Variants in KBTBD12 observed in about 807,000 individuals in gnomAD.
The protein encoded by KBTBD12 is kelch repeat and BTB domain containing 12, also known as kelch repeat and BTB domain-containing protein 12.
Under a neutral mutation model 58.7 loss-of-function variants are expected in KBTBD12, and 53 were observed. That is an observed-to-expected ratio of 0.90 (90% CI 0.72 to 1.14). The LOEUF is 1.14. KBTBD12 is among the 50% of genes most tolerant of loss of function. KBTBD12 has a pLI of 0.00. For synonymous variants in KBTBD12, 236 were observed against 259.8 expected (o/e 0.91, Z 0.88); for missense variants, 704 against 751.3 (o/e 0.94, Z 0.74).
intron 1 of KBTBD12, among the ~76,000 whole-genome samples, chr3:127,919,136 C>T (rs866728972): frequency 2.0e-5 from 3 of 151,962 alleles, no homozygotes; most frequent in African/African-American, 7.3e-5. Flanking sequence ...AGTCTTTCCT[C>T]GATAAAAATC....
intron 4 of KBTBD12, among the ~76,000 whole-genome samples, chr3:127,932,423 T>C (rs1028430883): frequency 2.0e-5 from 3 of 152,186 alleles, no homozygotes; most frequent in African/African-American, 7.2e-5. Flanking sequence ...CACATTATCT[T>C]AGCAAAAGCC....
intron 4 of KBTBD12, among the ~76,000 whole-genome samples, chr3:127,948,256 T>A (rs891716992): frequency 6.6e-6 from 1 of 152,222 alleles, no homozygotes; most frequent in African/African-American, 2.4e-5. Flanking sequence ...GTCCTGCTGT[T>A]CCACTGAGGC....
At chr3:127,961,349 C>T (rs930980438) in intron 4 of KBTBD12, among the ~76,000 whole-genome samples, 4 of 152,160 alleles carry the variant, frequency 2.6e-5, no homozygotes, top group Non-Finnish European at 4.4e-5. Context: ...TCCTTGGAAA[C>T]GCTGCAGCTC....
chr3:127,982,743 A>T (rs532226613), intron 5 of KBTBD12, among the ~76,000 whole-genome samples: 1 of 152,282 alleles, frequency 6.6e-6, no homozygotes, highest in South Asian at 2.1e-4. Flanking sequence ...GCTGCTCCCC[A>T]GACAGCTCCC....
At chr3:127,935,996 G>A (rs1421929631) in intron 4 of KBTBD12, among the ~76,000 whole-genome samples, 1 of 152,090 alleles carries the variant, frequency 6.6e-6, no homozygotes, top group African/African-American at 2.4e-5. Flanking sequence ...TAATAAAATT[G>A]CCAATAATAT....
intron 2 of KBTBD12, among the ~76,000 whole-genome samples, chr3:127,927,242 T>C (rs1939593778): frequency 6.6e-6 from 1 of 152,176 alleles, no homozygotes; most frequent in African/African-American, 2.4e-5. Context: ...TGTAAGCCAG[T>C]TGGAACTACA....
At chr3:127,961,848 G>T (rs1940446379) in intron 4 of KBTBD12, among the ~76,000 whole-genome samples, 3 of 152,212 alleles carry the variant, frequency 2.0e-5, no homozygotes, top group Admixed American at 2.0e-4. Flanking sequence ...GACTGATGCA[G>T]TGATAGGCAA....
At chr3:127,926,941 A>G (rs962330544) in intron 2 of KBTBD12, among the ~76,000 whole-genome samples, 2 of 152,120 alleles carry the variant, frequency 1.3e-5, no homozygotes, top group South Asian at 2.1e-4. Flanking sequence ...TGTATCTTCA[A>G]TCATGATTGG....
chr3:127,962,384 A>G (rs1259660521), intron 4 of KBTBD12, among the ~76,000 whole-genome samples: 2 of 152,242 alleles, frequency 1.3e-5, no homozygotes, highest in East Asian at 1.9e-4. Flanking sequence ...ACTTAAAGTC[A>G]TGATTCTCTA....
chr3:127,923,417 T>G lies in KBTBD12; in HGVS notation c.356T>G (p.Val119Gly), dbSNP rs748087772. ...ATGCAGATGGAAGAAGTCTTCAGTG[T>G]GTGTCAAAAATATATGATGGACCAC... ...YFMQMEEVFS[V>G]CQKYMMDHMD... The change falls in exon 2 of 6, where the codon GTG (valine) becomes GGG (glycine). Residue 119 changes from valine to glycine, a missense_variant. Val to Gly is a moderately radical substitution (Grantham distance 109). Coordinates refer to ENST00000405109, the MANE Select transcript of KBTBD12 (RefSeq NM_207335.4). 1 of 1,612,944 alleles carries G rather than the reference T, an allele frequency of 6.2e-7. No individual in the cohort carries two copies. Among genetic ancestry groups the G allele is most frequent in the South Asian group, 1.1e-5 (1 of 91,060 alleles).
chr3:127,963,924 T>C (rs527671325), intron 5 of KBTBD12, among the ~76,000 whole-genome samples: 3 of 152,340 alleles, frequency 2.0e-5, no homozygotes, highest in South Asian at 4.1e-4. Context: ...ACCCCATGAC[T>C]ACCACTTGAA....
intron 5 of KBTBD12, among the ~76,000 whole-genome samples, chr3:127,964,640 C>CAAAAAAAA (rs34230294): frequency 9.0e-6 from 1 of 111,140 alleles, no homozygotes; most frequent in African/African-American, 3.2e-5. Context: ...GACTCCATCT[C>CAAAAAAAA]AAAAAAAAAA....
intron 5 of KBTBD12, among the ~76,000 whole-genome samples, chr3:127,982,404 T>C (rs1940889137): frequency 6.6e-6 from 1 of 152,064 alleles, no homozygotes; most frequent in African/African-American, 2.4e-5. Flanking sequence ...GGAGACAGTG[T>C]GCCTCTGCCT....
chr3:127,927,955 C>A lies in KBTBD12; in HGVS notation c.1262C>A (p.Pro421His), dbSNP rs753185375. ...CGGGACAATTGGAAAAGGGTGTCTC[C>A]CCTTCCACTGCAATTGGCATGTCAT... ...VERDNWKRVS[P>H]LPLQLACHAV... Residue 421 changes from proline to histidine, a missense_variant, in exon 3 of 6, where the codon CCC becomes CAC. Physicochemically the swap from Pro to His is moderately conservative, Grantham distance 77. Coordinates refer to ENST00000405109, the MANE Select transcript of KBTBD12 (RefSeq NM_207335.4). The A allele has an allele frequency of 6.2e-7, 1 of 1,613,070 alleles. No homozygotes were observed.
intron 4 of KBTBD12, among the ~76,000 whole-genome samples, chr3:127,935,403 G>A (rs1939807315): frequency 6.6e-6 from 1 of 152,130 alleles, no homozygotes; most frequent in Admixed American, 6.6e-5. Context: ...AATAGAGGAT[G>A]ATAAAGTAAA....
At chr3:127,966,722 C>T (rs73860780) in intron 5 of KBTBD12, among the ~76,000 whole-genome samples, 24,018 of 151,962 alleles carry the variant, frequency 0.16, 2,149 homozygotes, top group South Asian at 0.32. Context: ...TAAAAATTTT[C>T]CCCCAAACTG....
At position 127,984,324 on chromosome 3, in the gene KBTBD12, T is replaced by C; in HGVS notation, c.*46T>C. ...TCCTGCTGTTCTGCAAACAAGGCCT[T>C]CAGAACGGAGAGGGCCCACAGCATC... On this transcript the variant is annotated 3_prime_UTR_variant, in exon 6 of 6. Coordinates refer to ENST00000405109, the MANE Select transcript of KBTBD12 (RefSeq NM_207335.4). 7 of 1,552,222 alleles carry C rather than the reference T, an allele frequency of 4.5e-6. No individual in the cohort carries two copies. Among genetic ancestry groups the C allele is most frequent in the Non-Finnish European group, 6.2e-6 (7 of 1,133,022 alleles).
At chr3:127,942,481 G>A (rs1939973959) in intron 4 of KBTBD12, among the ~76,000 whole-genome samples, 1 of 151,806 alleles carries the variant, frequency 6.6e-6, no homozygotes, top group African/African-American at 2.4e-5. Flanking sequence ...TATCCATGTT[G>A]TTACAAATTG....
chr3:127,922,517 T>A (rs914201763), intron 1 of KBTBD12, among the ~76,000 whole-genome samples: 2 of 152,186 alleles, frequency 1.3e-5, no homozygotes, highest in African/African-American at 4.8e-5. Flanking sequence ...ATGGACTGAC[T>A]ATTATAACAG....
Sources: gnomAD v4.1 joint callset for allele counts (sites outside exome capture counted in the v4.1 genomes callset) on GRCh38, gnomAD v4.1.1 for gene constraint, MANE v1.5 for transcripts, NCBI Gene and HGNC (gene_info 2026-07-23, HGNC 2026-07-21) for gene names.